SLC67A1: variants seen among roughly 807,000 people sequenced by gnomAD.
SLC67A1 encodes the protein solute carrier family 67 member A1.
chr11:2,911,522 G>A, the SLC67A1 span, among the ~76,000 whole-genome samples: 59 of 152,072 alleles, frequency 3.9e-4, 1 homozygote, highest in African/African-American at 1.3e-3. Context: ...AGGAGGGCAC[G>A]GGGAGGAGCA....
At chr11:2,924,878 C>G in the SLC67A1 span, 4 of 742,296 alleles carry the variant, frequency 5.4e-6, no homozygotes, top group Non-Finnish European at 8.6e-6. This position sits in a 1 kb window ranked among gnomAD's most constrained non-coding sequence, Gnocchi z 8.6. Context: ...TTTCACCAGA[C>G]TATGCAAGGT....
At chr11:2,900,551 G>A in the SLC67A1 span, among the ~76,000 whole-genome samples, 1 of 151,916 alleles carries the variant, frequency 6.6e-6, no homozygotes, top group Admixed American at 6.6e-5. Flanking sequence ...AAAATTAGCG[G>A]GGGCTGTGGC....
the SLC67A1 span, chr11:2,902,729 G>A: frequency 1.5e-5 from 15 of 985,516 alleles, no homozygotes; most frequent in Admixed American, 6.1e-5. Context: ...GTAAGGCAGA[G>A]CTACTGGGGA....
chr11:2,911,751 G>C, the SLC67A1 span, among the ~76,000 whole-genome samples: 2 of 152,256 alleles, frequency 1.3e-5, no homozygotes, highest in East Asian at 1.9e-4. Context: ...CATGGTGCTG[G>C]AGCAGCTCAG....
At chr11:2,916,416 T>G in the SLC67A1 span, 1 of 513,712 alleles carries the variant, frequency 1.9e-6, no homozygotes, top group Non-Finnish European at 3.4e-6. Context: ...TCAGGGATGG[T>G]GAGCGCCCCA....
the SLC67A1 span, among the ~76,000 whole-genome samples, chr11:2,901,043 G>A: frequency 2.6e-5 from 4 of 152,172 alleles, no homozygotes; most frequent in African/African-American, 9.7e-5. Flanking sequence ...GTGGAAAGGC[G>A]GGGTTCTGAT....
At chr11:2,900,518 T>C in the SLC67A1 span, among the ~76,000 whole-genome samples, 7 of 151,252 alleles carry the variant, frequency 4.6e-5, no homozygotes, top group South Asian at 2.1e-4. Context: ...ACGGTGAAAC[T>C]CCGTCTCTAC....
the SLC67A1 span, among the ~76,000 whole-genome samples, chr11:2,905,216 AG>A: frequency 6.6e-6 from 1 of 152,144 alleles, no homozygotes; most frequent in Non-Finnish European, 1.5e-5. Flanking sequence ...GCTCCCCCAG[AG>A]GGCAGGGAGG....
chr11:2,912,002 A>G, the SLC67A1 span, among the ~76,000 whole-genome samples: 28 of 152,192 alleles, frequency 1.8e-4, no homozygotes, highest in Non-Finnish European at 1.5e-4. Flanking sequence ...TAATCAGACC[A>G]GCTGTGACAT....
the SLC67A1 span, chr11:2,915,298 C>A: frequency 2.5e-6 from 2 of 795,284 alleles, no homozygotes; most frequent in African/African-American, 2.0e-5. Context: ...TGTGTGTGTG[C>A]GCATGTGGCT....
At chr11:2,920,502 G>C in the SLC67A1 span, 1 of 152,412 alleles carries the variant, frequency 6.6e-6, no homozygotes, top group Non-Finnish European at 1.5e-5. Flanking sequence ...GCCTGCCATG[G>C]CTGCAGTGGG....
chr11:2,917,539 G>A, the SLC67A1 span, among the ~76,000 whole-genome samples: 105 of 152,336 alleles, frequency 6.9e-4, no homozygotes, highest in African/African-American at 2.5e-3. Context: ...AGGCCACGGC[G>A]GTGACTTGTG....
the SLC67A1 span, chr11:2,922,415 G>T: frequency 6.2e-7 from 1 of 1,606,342 alleles, no homozygotes; most frequent in South Asian, 1.1e-5. Flanking sequence ...CACTCAGCTC[G>T]GCCCCCGCCT....
At chr11:2,909,328 G>C in the SLC67A1 span, 1 of 1,531,058 alleles carries the variant, frequency 6.5e-7, no homozygotes, top group Non-Finnish European at 8.7e-7. Flanking sequence ...CCTCGCGCCT[G>C]CCCGGAGCGC....
At chr11:2,905,341 A>T in the SLC67A1 span, among the ~76,000 whole-genome samples, 1 of 152,180 alleles carries the variant, frequency 6.6e-6, no homozygotes, top group East Asian at 1.9e-4. Context: ...CACGAAGGCA[A>T]CTGTCACTCC....
the SLC67A1 span, chr11:2,919,207 C>A: frequency 1.2e-6 from 1 of 815,956 alleles, no homozygotes; most frequent in Non-Finnish European, 2.1e-6. Context: ...CCAGCCAGGG[C>A]CCAGACACCC....
At chr11:2,909,255 C>T in the SLC67A1 span, 1 of 1,538,146 alleles carries the variant, frequency 6.5e-7, no homozygotes, top group Non-Finnish European at 8.7e-7. Context: ...GCTGCCTTGG[C>T]GCTCTACCTG....
At chr11:2,906,760 A>T in the SLC67A1 span, among the ~76,000 whole-genome samples, 2 of 151,888 alleles carry the variant, frequency 1.3e-5, no homozygotes, top group Non-Finnish European at 2.9e-5. Flanking sequence ...GAAATACCTA[A>T]TGTAAACGAC....
At chr11:2,905,643 G>T in the SLC67A1 span, among the ~76,000 whole-genome samples, 1 of 152,198 alleles carries the variant, frequency 6.6e-6, no homozygotes, top group Non-Finnish European at 1.5e-5. Flanking sequence ...AAATACGTGT[G>T]CATGTGTCTT....
Sources: gnomAD v4.1 joint callset for allele counts (sites outside exome capture counted in the v4.1 genomes callset) on GRCh38, gnomAD v4.1.1 for gene constraint, Gnocchi (gnomAD v3.1) non-coding constraint, MANE v1.5 for transcripts, NCBI Gene and HGNC (gene_info 2026-07-23, HGNC 2026-07-21) for gene names.